RALYL: variants seen among roughly 807,000 people sequenced by gnomAD.
The protein encoded by RALYL is RALY RNA binding protein like.
In RALYL, 29 loss-of-function variants were observed where a neutral mutation model predicts 35.1. That is an observed-to-expected ratio of 0.83 (90% CI 0.61 to 1.13). The LOEUF (loss-of-function observed/expected upper bound fraction) is 1.13. Among genes scored for constraint, RALYL ranks in the 50% most tolerant of loss-of-function variants. RALYL has a pLI of 0.00. For synonymous variants in RALYL, 120 were observed against 127.6 expected, an observed-to-expected ratio of 0.94 and a Z score of 0.40; for missense variants, 359 against 360.4, an observed-to-expected ratio of 1.00 and a Z score of 0.03.
intron 3 of RALYL, among the ~76,000 whole-genome samples, chr8:84,789,624 A>G (rs1045147838): frequency 6.6e-6 from 1 of 152,162 alleles, no homozygotes; most frequent in African/African-American, 2.4e-5. Context: ...TCGGGAGGCT[A>G]AAGCAGGCAG....
intron 1 of RALYL, among the ~76,000 whole-genome samples, chr8:84,347,048 A>C (rs1357552261): frequency 6.6e-6 from 1 of 151,946 alleles, no homozygotes; most frequent in Non-Finnish European, 1.5e-5. Flanking sequence ...AAATACAAAA[A>C]AACTTAGCCA....
At chr8:84,425,473 C>T (rs1161127223) in intron 1 of RALYL, among the ~76,000 whole-genome samples, 3 of 152,196 alleles carry the variant, frequency 2.0e-5, no homozygotes, top group Admixed American at 6.5e-5. Context: ...GAGATGCACC[C>T]AGTACCTCAG....
At chr8:84,661,396 A>G (rs1830881586) in intron 2 of RALYL, among the ~76,000 whole-genome samples, 1 of 152,116 alleles carries the variant, frequency 6.6e-6, no homozygotes, top group African/African-American at 2.4e-5. Context: ...ATTTTCAATA[A>G]CAAATCTTTA....
chr8:84,195,586 G>A (rs576862378), intron 1 of RALYL, among the ~76,000 whole-genome samples: 1 of 152,326 alleles, frequency 6.6e-6, no homozygotes, highest in South Asian at 2.1e-4. Flanking sequence ...ATGATTGCTT[G>A]TAGTTCTTTG....
Position 84,230,201 on chromosome 8 carries a change from G to A in RALYL, c.-24+45777G>A, listed in dbSNP as rs550645719. Reference sequence around the variant, plus strand: ...ATTCCTGATTTCTAAAAATATATATGTGATATTTCACAAAAATTATTTTAT... The same window carrying A: ...ATTCCTGATTTCTAAAAATATATATATGATATTTCACAAAAATTATTTTAT... On this transcript the variant is annotated intron_variant, in intron 1 of 8. Coordinates refer to ENST00000521268, the MANE Select transcript of RALYL (RefSeq NM_173848.7). Among the ~76,000 whole-genome samples, 101 of 152,118 alleles carry A rather than the reference G, an allele frequency of 6.6e-4. No homozygotes were observed. The South Asian group carries it at 0.02, about 30-fold the overall frequency.
At chr8:84,610,955 T>C (rs916047344) in intron 2 of RALYL, among the ~76,000 whole-genome samples, 5 of 152,132 alleles carry the variant, frequency 3.3e-5, no homozygotes, top group Non-Finnish European at 7.4e-5. Flanking sequence ...AGTTTGGATA[T>C]TTCCTACTCC....
At chr8:84,429,818 A>G (rs1471928270) in intron 1 of RALYL, among the ~76,000 whole-genome samples, 1 of 152,112 alleles carries the variant, frequency 6.6e-6, no homozygotes, top group Non-Finnish European at 1.5e-5. Flanking sequence ...TACTAGACAG[A>G]GTTAAAGGAT....
chr8:84,808,001 T>G (rs1798779731), intron 4 of RALYL, among the ~76,000 whole-genome samples: 1 of 152,216 alleles, frequency 6.6e-6, no homozygotes, highest in Admixed American at 6.5e-5. Flanking sequence ...ATGCAAAAGC[T>G]CTTTAGTTTA....
intron 2 of RALYL, among the ~76,000 whole-genome samples, chr8:84,645,177 T>C (rs915371780): frequency 1.3e-5 from 2 of 152,022 alleles, no homozygotes; most frequent in African/African-American, 4.8e-5. Context: ...TGGGTCTCAA[T>C]TGTCATGGTA....
chr8:84,737,275 G>T (rs1483752555), intron 2 of RALYL, among the ~76,000 whole-genome samples: 1 of 151,938 alleles, frequency 6.6e-6, no homozygotes, highest in East Asian at 1.9e-4. Context: ...AAAACTAAAG[G>T]TAAATAAATC....
intron 1 of RALYL, among the ~76,000 whole-genome samples, chr8:84,493,385 G>T (rs755414624): frequency 1.3e-5 from 2 of 152,008 alleles, no homozygotes; most frequent in Non-Finnish European, 2.9e-5. Context: ...ATATGTGTGC[G>T]TGTATTTTTA....
At chr8:84,401,408 C>T (rs933682225) in intron 1 of RALYL, among the ~76,000 whole-genome samples, 11 of 151,732 alleles carry the variant, frequency 7.2e-5, no homozygotes, top group African/African-American at 9.7e-5. Context: ...GAGGCCGAGG[C>T]GGGCGGATCA....
At chr8:84,611,247 G>A (rs1259867645) in intron 2 of RALYL, among the ~76,000 whole-genome samples, 1 of 152,032 alleles carries the variant, frequency 6.6e-6, no homozygotes, top group Non-Finnish European at 1.5e-5. Context: ...TGATGAAAGT[G>A]TCATTAACTT....
chr8:84,440,741 T>G (rs1289508652), intron 1 of RALYL, among the ~76,000 whole-genome samples: 1 of 152,028 alleles, frequency 6.6e-6, no homozygotes. Context: ...TATGACACAG[T>G]TTTTTTATTC....
intron 5 of RALYL, among the ~76,000 whole-genome samples, chr8:84,853,833 GTT>G: frequency 6.6e-6 from 1 of 150,778 alleles, no homozygotes; most frequent in South Asian, 2.1e-4. Flanking sequence ...TTGCATTTGT[GTT>G]TTCTTTTTCT....
At chr8:84,583,615 G>C (rs923626151) in intron 2 of RALYL, among the ~76,000 whole-genome samples, 4 of 152,070 alleles carry the variant, frequency 2.6e-5, no homozygotes, top group African/African-American at 9.7e-5. Context: ...CAGCAAAATT[G>C]CTCAGTAAAC....
At chr8:84,412,130 T>C (rs2044167945) in intron 1 of RALYL, among the ~76,000 whole-genome samples, 2 of 151,984 alleles carry the variant, frequency 1.3e-5, no homozygotes, top group East Asian at 1.9e-4. Context: ...CTAATTGTGA[T>C]GTGTGATTTT....
intron 4 of RALYL, chr8:84,829,036 A>G (rs1830308584): frequency 6.6e-6 from 1 of 152,184 alleles, no homozygotes; most frequent in Admixed American, 6.5e-5. Flanking sequence ...TAATTTATAA[A>G]GAGAAAGAGT....
intron 1 of RALYL, among the ~76,000 whole-genome samples, chr8:84,210,795 C>A (rs1234780077): frequency 1.3e-5 from 2 of 152,086 alleles, no homozygotes; most frequent in Non-Finnish European, 2.9e-5. Context: ...GGCAAATACA[C>A]ATGGATTATT....
Sources: gnomAD v4.1 joint callset for allele counts (sites outside exome capture counted in the v4.1 genomes callset) on GRCh38, gnomAD v4.1.1 for gene constraint, MANE v1.5 for transcripts, NCBI Gene and HGNC (gene_info 2026-07-23, HGNC 2026-07-21) for gene names.